RNF150: variants seen among roughly 807,000 people sequenced by gnomAD.
The protein encoded by RNF150 is ring finger protein 150.
A neutral mutation model predicts 39.3 loss-of-function variants in RNF150; 24 were observed. That is an observed-to-expected ratio of 0.61 (90% CI 0.44 to 0.86). The LOEUF is 0.86. Among genes scored for constraint, RNF150 ranks in the 40% least tolerant of loss-of-function variants. The pLI, the probability that RNF150 is intolerant of heterozygous loss-of-function variation, is 0.00. For missense variants in RNF150, 502 were observed against 587.8 expected (o/e 0.85, Z 1.51); for synonymous variants, 255 against 227.3 (o/e 1.12, Z -1.10).
At chr4:140,924,031 T>G (rs1354050263) in intron 5 of RNF150, among the ~76,000 whole-genome samples, 4 of 151,974 alleles carry the variant, frequency 2.6e-5, no homozygotes, top group Non-Finnish European at 4.4e-5. Context: ...AAATGATGAG[T>G]TAGTGGGTGC....
intron 2 of RNF150, among the ~76,000 whole-genome samples, chr4:140,961,487 C>A (rs1733023029): frequency 6.6e-6 from 1 of 152,086 alleles, no homozygotes; most frequent in African/African-American, 2.4e-5. Context: ...CTTCATCTAA[C>A]CTGAAAGTCA....
intron 1 of RNF150, among the ~76,000 whole-genome samples, chr4:140,982,541 T>G (rs1733894717): frequency 7.1e-6 from 1 of 140,696 alleles, no homozygotes; most frequent in South Asian, 2.3e-4. Flanking sequence ...TTGGTGAGAA[T>G]TTTTCAGCAG....
intron 1 of RNF150, among the ~76,000 whole-genome samples, chr4:141,071,052 A>C (rs1737677966): frequency 7.8e-6 from 1 of 127,480 alleles, no homozygotes; most frequent in Admixed American, 8.4e-5. Context: ...CTATGCAGCC[A>C]TAAAAAATGA....
At chr4:141,150,595 A>G (rs1727280451) in intron 1 of RNF150, among the ~76,000 whole-genome samples, 1 of 152,216 alleles carries the variant, frequency 6.6e-6, no homozygotes, top group Admixed American at 6.5e-5. Flanking sequence ...AGTAAAAGCC[A>G]GAGATTTTAG....
intron 1 of RNF150, among the ~76,000 whole-genome samples, chr4:141,118,061 G>A (rs1322358278): frequency 2.0e-5 from 3 of 152,144 alleles, no homozygotes; most frequent in Non-Finnish European, 4.4e-5. Context: ...GCTGCTGACA[G>A]CCCCCTCCCC....
chr4:141,141,890 TC>T (rs1727123245), intron 1 of RNF150, among the ~76,000 whole-genome samples: 1 of 152,172 alleles, frequency 6.6e-6, no homozygotes, highest in African/African-American at 2.4e-5. Context: ...GTCATCCAGT[TC>T]CACCATGGAG....
chr4:141,053,010 AAATGGGGTAATAATAACCACACCC>A (rs1736837509), intron 1 of RNF150, among the ~76,000 whole-genome samples: 1 of 152,114 alleles, frequency 6.6e-6, no homozygotes, highest in African/African-American at 2.4e-5. Flanking sequence ...TTAACTATAA[AAATGGGGTAATAATAACCACACCC>A]ACCTAATAAG....
chr4:140,926,565 G>A (rs759665925), intron 4 of RNF150, among the ~76,000 whole-genome samples: 2 of 152,158 alleles, frequency 1.3e-5, no homozygotes, highest in Non-Finnish European at 2.9e-5. Context: ...TAACACCAAT[G>A]CCATTTTAAG....
rs1252742421 is a variant in RNF150, at chr4:140,868,091, T to C, written c.*170A>G. On this transcript the variant is annotated 3_prime_UTR_variant, in exon 7 of 7. Transcript: ENST00000515673. ...CTGCCATACCGATGGAGAAACTGCA[T>C]CCTGATTGACAAGACTTTGGATATT... 3.6e-6 allele frequency: 2 copies of C among 562,648 alleles called. No homozygotes were observed. The highest frequency in any genetic ancestry group is 6.3e-6 in the Non-Finnish European group (2 of 317,344). 34.9% of individuals were successfully genotyped at this position (562,648 alleles called of 1,614,324 possible).
At chr4:141,094,078 C>G (rs1318295706) in intron 1 of RNF150, among the ~76,000 whole-genome samples, 2 of 151,946 alleles carry the variant, frequency 1.3e-5, no homozygotes, top group Non-Finnish European at 2.9e-5. Flanking sequence ...AGATATAGCA[C>G]AAGAATGCAG....
At chr4:141,079,585 A>G (rs554732681) in intron 1 of RNF150, among the ~76,000 whole-genome samples, 1 of 152,320 alleles carries the variant, frequency 6.6e-6, no homozygotes, top group South Asian at 2.1e-4. Flanking sequence ...GTACTGTAAA[A>G]CTGTGAGCAG....
At chr4:141,010,953 C>G (rs1735053900) in intron 1 of RNF150, among the ~76,000 whole-genome samples, 1 of 152,136 alleles carries the variant, frequency 6.6e-6, no homozygotes, top group African/African-American at 2.4e-5. Flanking sequence ...TTGCCTGAGT[C>G]TAAGAGTAGT....
Position 140,868,262 on chromosome 4 carries a change from C to A in RNF150, c.1316G>T (p.Ter439LeuextTer92). The A allele has an allele frequency of 6.4e-7, 1 of 1,559,240 alleles. No homozygotes were observed. The highest frequency in any genetic ancestry group is 8.8e-7 in the Non-Finnish European group (1 of 1,130,302). ...TDQDCEEVKS[*>L] ...CTCTTTGCTTCTGGATTTGTCGTTT[C>A]AAGATTTCACTTCTTCACAGTCCTG... Residue 439 changes from the stop codon to leucine (L), a stop_lost, in exon 7 of 7, where the codon TGA becomes TTA. Coordinates refer to ENST00000515673, the MANE Select transcript of RNF150 (RefSeq NM_020724.2).
intron 1 of RNF150, among the ~76,000 whole-genome samples, chr4:141,105,663 C>T (rs1029389743): frequency 6.6e-6 from 1 of 152,162 alleles, no homozygotes. Context: ...ACTGAATCCA[C>T]ATTTTCCTTC....
chr4:141,172,460 T>C (rs1462033911), intron 1 of RNF150, among the ~76,000 whole-genome samples: 3 of 152,174 alleles, frequency 2.0e-5, no homozygotes, highest in Non-Finnish European at 4.4e-5. Flanking sequence ...ATTTATCTAC[T>C]AAGTTACCCC....
chr4:141,020,602 A>C (rs1735456103), intron 1 of RNF150, among the ~76,000 whole-genome samples: 1 of 152,146 alleles, frequency 6.6e-6, no homozygotes, highest in South Asian at 2.1e-4. Flanking sequence ...ACCTAAAAAA[A>C]GGCTATGGGC....
At chr4:141,136,524 T>C (rs974744010), upstream of RNF150, among the ~76,000 whole-genome samples, 2 of 152,216 alleles carry the variant, frequency 1.3e-5, no homozygotes, top group Admixed American at 1.3e-4. Flanking sequence ...CTACTCTTTT[T>C]TCCAGTGGCA....
intron 5 of RNF150, among the ~76,000 whole-genome samples, chr4:140,915,070 T>C (rs1184375731): frequency 6.6e-6 from 1 of 152,196 alleles, no homozygotes; most frequent in Non-Finnish European, 1.5e-5. Flanking sequence ...AGGATGAAAT[T>C]CATAAATACG....
chr4:141,089,846 T>A lies in RNF150; in HGVS notation c.484+42479A>T, dbSNP rs553636679. ...TTTACTCAAGATACCTGAAGGCAAATCTACAGCAACATGTCATAGAGTTCT... is the reference window on the plus strand; with the variant it reads ...TTTACTCAAGATACCTGAAGGCAAAACTACAGCAACATGTCATAGAGTTCT... On this transcript the variant is annotated intron_variant, in intron 1 of 6. Transcript: ENST00000515673. 7.2e-5 allele frequency among the ~76,000 whole-genome samples: 11 copies of A among 152,336 alleles called. No individual in the cohort carries two copies. The East Asian group carries it at 1.3e-3, about 19-fold the overall frequency.
Sources: gnomAD v4.1 joint callset for allele counts (sites outside exome capture counted in the v4.1 genomes callset) on GRCh38, gnomAD v4.1.1 for gene constraint, MANE v1.5 for transcripts, NCBI Gene and HGNC (gene_info 2026-07-23, HGNC 2026-07-21) for gene names.